The following GIPC2 variants were observed in gnomAD, a reference collection of about 807,000 sequenced individuals.
GIPC2 encodes the protein GIPC PDZ domain containing family member 2.
A neutral mutation model predicts 30.6 loss-of-function variants in GIPC2; 30 were observed. The observed-to-expected ratio is 0.98, with a 90% CI of 0.73 to 1.33. The LOEUF (loss-of-function observed/expected upper bound fraction) is 1.33. Among genes scored for constraint, GIPC2 ranks in the 40% most tolerant of loss-of-function variants. The pLI, the probability that GIPC2 is intolerant of heterozygous loss-of-function variation, is 0.00. For missense variants in GIPC2, 414 were observed against 390.3 expected (o/e 1.06, Z -0.51); for synonymous variants, 167 against 150.0 (o/e 1.11, Z -0.83).
At chr1:78,066,454 A>G (rs1218365593) in intron 1 of GIPC2, among the ~76,000 whole-genome samples, 4 of 152,246 alleles carry the variant, frequency 2.6e-5, no homozygotes, top group African/African-American at 9.6e-5. Context: ...AATTAGTTCA[A>G]CCATTGTGGA....
intron 2 of GIPC2, among the ~76,000 whole-genome samples, chr1:78,085,437 G>A (rs1171978086): frequency 2.0e-5 from 3 of 152,138 alleles, no homozygotes; most frequent in African/African-American, 7.2e-5. Context: ...GGATGATGTG[G>A]CCTCATAGAA....
intron 1 of GIPC2, among the ~76,000 whole-genome samples, chr1:78,068,110 C>G (rs919991687): frequency 6.6e-6 from 1 of 152,010 alleles, no homozygotes; most frequent in African/African-American, 2.4e-5. Context: ...TTGCATTTGT[C>G]AATGCTTATT....
rs1434911966 is a variant in GIPC2, at chr1:78,137,534, T to C, written c.*1791T>C. On this transcript the variant is annotated 3_prime_UTR_variant, in exon 6 of 6. Transcript: ENST00000370759. ...CTTGGTGCTGATTCCATGTGATTTA[T>C]GGAATGTCATTTTCACAATGATCTT... The C allele has an allele frequency of 6.6e-6, 1 of 152,206 alleles. No homozygotes were observed. Among genetic ancestry groups the C allele is most frequent in the African/African-American group, 2.4e-5 (1 of 41,468 alleles). 9.4% of individuals were successfully genotyped at this position (152,206 alleles called of 1,614,324 possible).
chr1:78,064,054 G>A (rs1661456705), intron 1 of GIPC2, among the ~76,000 whole-genome samples: 1 of 152,186 alleles, frequency 6.6e-6, no homozygotes, highest in African/African-American at 2.4e-5. Context: ...AATGTTTTAT[G>A]TTACAAATCC....
chr1:78,109,646 C>T (rs148763436), intron 3 of GIPC2, among the ~76,000 whole-genome samples: 97 of 152,118 alleles, frequency 6.4e-4, no homozygotes, highest in Admixed American at 1.8e-3. Context: ...GGGATATAGT[C>T]AATGCTTGGT....
Position 78,046,203 on chromosome 1 carries a change from G to A in GIPC2, c.109G>A (p.Ala37Thr). Residue 37 changes from alanine to threonine, a missense_variant, in exon 1 of 6, where the codon GCT (alanine) becomes ACT (threonine). By Grantham distance (58) the Ala-to-Thr change is moderately conservative. Coordinates refer to ENST00000370759, the MANE Select transcript of GIPC2 (RefSeq NM_017655.6). ...CGGCGGGAGCCTCTCAGCGTCCCGG[G>A]CTCCCGCACGCAGGCTGGTCTTCCA... is the stretch of plus-strand genomic sequence containing the variant. ...AGGGSLSASRAPARRLVFHAQ... is the reference protein window; with the variant it reads ...AGGGSLSASRTPARRLVFHAQ... The A allele has an allele frequency of 1.3e-6, 2 of 1,589,394 alleles. No individual in the cohort carries two copies. The highest frequency in any genetic ancestry group is 1.7e-6 in the Non-Finnish European group (2 of 1,169,740).
At chr1:78,099,600 G>A (rs1250957969) in intron 3 of GIPC2, among the ~76,000 whole-genome samples, 2 of 151,800 alleles carry the variant, frequency 1.3e-5, no homozygotes, top group Non-Finnish European at 2.9e-5. Flanking sequence ...CACCGTGCTC[G>A]GCTAATTTTT....
At chr1:78,064,884 C>T (rs1661473922) in intron 1 of GIPC2, among the ~76,000 whole-genome samples, 1 of 151,768 alleles carries the variant, frequency 6.6e-6, no homozygotes, top group African/African-American at 2.4e-5. Flanking sequence ...GCTGGGATTA[C>T]AGGCACATGC....
chr1:78,119,299 T>C (rs1662633509), intron 3 of GIPC2, 94 bp from the exon 4 acceptor site: 1 of 686,012 alleles, frequency 1.5e-6, no homozygotes, highest in African/African-American at 1.8e-5. Context: ...AACAATTGTA[T>C]ATAGTTTTGT....
chr1:78,075,183 G>A (rs1284201507), intron 1 of GIPC2, among the ~76,000 whole-genome samples: 1 of 152,202 alleles, frequency 6.6e-6, no homozygotes, highest in African/African-American at 2.4e-5. Flanking sequence ...AGAGCTGTGT[G>A]TGGTGGCTTG....
At chr1:78,065,269 A>G (rs918044495) in intron 1 of GIPC2, among the ~76,000 whole-genome samples, 2 of 152,272 alleles carry the variant, frequency 1.3e-5, no homozygotes, top group Non-Finnish European at 2.9e-5. Context: ...TGCACTGACA[A>G]TGGTCAAGCT....
chr1:78,057,315 T>C (rs1211729839), intron 1 of GIPC2, among the ~76,000 whole-genome samples: 1 of 152,196 alleles, frequency 6.6e-6, no homozygotes. Flanking sequence ...CTGTGAGCCC[T>C]TCATCCCTAA....
chr1:78,113,683 C>A (rs1169960317), intron 3 of GIPC2, among the ~76,000 whole-genome samples: 1 of 152,168 alleles, frequency 6.6e-6, no homozygotes, highest in Non-Finnish European at 1.5e-5. Context: ...GCCATGGCAC[C>A]CAGCCTAAAA....
chr1:78,065,963 C>T (rs1326101002), intron 1 of GIPC2, among the ~76,000 whole-genome samples: 1 of 152,118 alleles, frequency 6.6e-6, no homozygotes. Context: ...TAGGCAGTAC[C>T]ATTCTGGACA....
In GIPC2 at chr1:78,055,430, A is replaced by G. The variant is rs555626620; in HGVS notation, c.240+9096A>G. Among the ~76,000 whole-genome samples, 98 of 152,332 alleles carry G rather than the reference A, an allele frequency of 6.4e-4. 4 individuals carry two copies. The highest frequency in any genetic ancestry group is 2.3e-3 in the African/African-American group (95 of 41,576). ...TTCTGCAGCTGCACAGTCAGGTTCC[A>G]TGGACAGTTGGAACGTTGCTCATTC... On this transcript the variant is annotated intron_variant, in intron 1 of 5. Coordinates refer to ENST00000370759, the MANE Select transcript of GIPC2 (RefSeq NM_017655.6).
At chr1:78,055,736 C>G (rs1661283872) in intron 1 of GIPC2, among the ~76,000 whole-genome samples, 1 of 152,108 alleles carries the variant, frequency 6.6e-6, no homozygotes, top group African/African-American at 2.4e-5. Flanking sequence ...GGACAGGACC[C>G]TTGGGCCTGT....
At chr1:78,114,348 C>T (rs995429990) in intron 3 of GIPC2, among the ~76,000 whole-genome samples, 3 of 152,214 alleles carry the variant, frequency 2.0e-5, no homozygotes, top group African/African-American at 4.8e-5. Flanking sequence ...GACAGGCCAG[C>T]ACCCCAAAAG....
intron 3 of GIPC2, among the ~76,000 whole-genome samples, chr1:78,103,436 G>A (rs1011464133): frequency 5.3e-5 from 8 of 152,194 alleles, no homozygotes; most frequent in African/African-American, 1.9e-4. Flanking sequence ...ATGTATGTAT[G>A]TGCTTAGAAC....
intron 3 of GIPC2, among the ~76,000 whole-genome samples, chr1:78,095,507 C>T (rs965822920): frequency 6.6e-6 from 1 of 152,114 alleles, no homozygotes; most frequent in Non-Finnish European, 1.5e-5. Flanking sequence ...TCATGGATCT[C>T]AGCAGCAAAA....
Sources: gnomAD v4.1 joint callset for allele counts (sites outside exome capture counted in the v4.1 genomes callset) on GRCh38, gnomAD v4.1.1 for gene constraint, MANE v1.5 for transcripts, NCBI Gene and HGNC (gene_info 2026-07-23, HGNC 2026-07-21) for gene names.